ZNF777: variants seen among roughly 807,000 people sequenced by gnomAD.
ZNF777 encodes zinc finger protein 777.
Under a neutral mutation model 72.1 loss-of-function variants are expected in ZNF777, and 7 were observed. The observed-to-expected ratio is 0.10, with a 90% CI of 0.06 to 0.18. The LOEUF (loss-of-function observed/expected upper bound fraction) is 0.18, where lower values mean the gene tolerates loss of function less well. Among genes scored for constraint, ZNF777 ranks in the 10% least tolerant of loss-of-function variants. ZNF777 has a pLI of 1.00. For synonymous variants in ZNF777, 545 were observed against 483.5 expected (o/e 1.13, Z -1.67); for missense variants, 828 against 1,128.6 (o/e 0.73, Z 3.82).
chr7:149,454,337 C>A, intron 2 of ZNF777, 100 bp from the exon 3 acceptor site: 1 of 1,496,776 alleles, frequency 6.7e-7, no homozygotes, highest in East Asian at 2.3e-5. Flanking sequence ...TGGGCCTTCA[C>A]CTAGGACTTT....
At chr7:149,446,965 C>T (rs1012689348) in intron 4 of ZNF777, among the ~76,000 whole-genome samples, 1 of 152,186 alleles carries the variant, frequency 6.6e-6, no homozygotes, top group Admixed American at 6.5e-5. Flanking sequence ...ATACTCTCTC[C>T]TTCTGGAAGC....
intron 2 of ZNF777, among the ~76,000 whole-genome samples, 181 bp from the exon 3 acceptor site, chr7:149,454,418 T>G (rs1448079168): frequency 6.6e-6 from 1 of 152,190 alleles, no homozygotes; most frequent in Non-Finnish European, 1.5e-5. Context: ...TTTCCTCCCC[T>G]TCAGGATATA....
chr7:149,455,872 G>A lies in ZNF777; in HGVS notation c.151C>T (p.Pro51Ser). Reference sequence around the variant, plus strand: ...GTTTGGGGCAGGGAGCCTTGACGGGGAATGGTGGGAGACAAAGAAGGAATT... The same window carrying A: ...GTTTGGGGCAGGGAGCCTTGACGGGAAATGGTGGGAGACAAAGAAGGAATT... ...KEIPSLSPTI[P>S]RQGSLPQTSS... Residue 51 changes from proline to serine, a missense_variant, in exon 2 of 6, where the codon CCC (proline) becomes TCC (serine). By Grantham distance (74) the Pro-to-Ser change is moderately conservative. Around this residue, in one of 12 missense-constraint regions of ZNF777, gnomAD observed 222 missense variants for 211.2 expected, o/e 1.05. Coordinates refer to ENST00000247930, the MANE Select transcript of ZNF777 (RefSeq NM_015694.3). This position sits in a 1 kb window ranked among gnomAD's most constrained non-coding sequence, Gnocchi z 4.2. 6.2e-7 allele frequency: 1 copy of A among 1,614,010 alleles called. No individual in the cohort carries two copies.
intron 4 of ZNF777, among the ~76,000 whole-genome samples, chr7:149,445,671 C>A (rs1799588831): frequency 6.6e-6 from 1 of 152,176 alleles, no homozygotes; most frequent in Non-Finnish European, 1.5e-5. Context: ...TTCCCGTTTT[C>A]AATATGGTGC....
chr7:149,452,650 G>GTAAA lies in ZNF777; in HGVS notation c.973+1457_973+1460dup, dbSNP rs1179606306. On this transcript the variant is annotated intron_variant, in intron 3 of 5. Coordinates refer to ENST00000247930, the MANE Select transcript of ZNF777 (RefSeq NM_015694.3). ...TCTGTCTCAAAAAAAAAAAAAAAAAGTAAATAAATAAATAAATAAGGTATC... is the reference window on the plus strand; with the variant it reads ...TCTGTCTCAAAAAAAAAAAAAAAAAGTAAATAAATAAATAAATAAATAAGGTATC... Among the ~76,000 whole-genome samples, 13 of 145,056 alleles carry GTAAA rather than the reference G, an allele frequency of 9.0e-5. No individual in the cohort carries two copies. In the South Asian group the frequency reaches 1.5e-3, roughly 17 times the overall value.
At chr7:149,434,281 C>T (rs1194205402) in intron 5 of ZNF777, among the ~76,000 whole-genome samples, 1 of 152,156 alleles carries the variant, frequency 6.6e-6, no homozygotes, top group African/African-American at 2.4e-5. Context: ...CTAGTGACTC[C>T]CTGTCCTTAG....
intron 1 of ZNF777, chr7:149,459,595 C>G: frequency 1.0e-6 from 1 of 976,962 alleles, no homozygotes; most frequent in Non-Finnish European, 1.2e-6. Context: ...CCCTCCCCGT[C>G]CAGGCCCGCA....
rs776385366 is a variant in ZNF777 at position 149,455,493 on chromosome 7, G to A, written c.530C>T (p.Pro177Leu). The A allele has an allele frequency of 1.4e-5, 22 of 1,613,938 alleles. No individual in the cohort carries two copies. Among genetic ancestry groups the A allele is most frequent in the East Asian group, 4.5e-5 (2 of 44,890 alleles). The change falls in exon 2 of 6, where the codon CCG (proline) becomes CTG (leucine). Residue 177 changes from proline to leucine, a missense_variant. By Grantham distance (98) the Pro-to-Leu change is moderately conservative (BLOSUM62 -3). Around this residue, in one of 12 missense-constraint regions of ZNF777, gnomAD observed 76 missense variants for 157.3 expected, o/e 0.48. Coordinates refer to ENST00000247930, the MANE Select transcript of ZNF777 (RefSeq NM_015694.3). This position sits in a 1 kb window ranked among gnomAD's most constrained non-coding sequence, Gnocchi z 4.2. ...GCGGGTGATCTCTGCCGTGGGGAGC[G>A]GCTGTTCCTTCTGGACTGCAGAAGA... ...QISSAVQKEQ[P>L]LPTAEITRLA...
chr7:149,460,004 A>T lies in ZNF777; in HGVS notation c.-16+811T>A, dbSNP rs1473592766. ...CCAGGGCGCCCCCACCCCCCGCGCC[A>T]ACGTCGTAGCGTTTCTGCCCCTTAC... is the stretch of plus-strand genomic sequence containing the variant. On this transcript the variant is annotated intron_variant, in intron 1 of 5. Transcript: ENST00000247930. This position sits in a 1 kb window ranked among gnomAD's most constrained non-coding sequence, Gnocchi z 6.1. 5.4e-5 allele frequency: 51 copies of T among 938,424 alleles called. No homozygotes were observed. Among genetic ancestry groups the T allele is most frequent in the Non-Finnish European group, 6.2e-5 (49 of 794,044 alleles). 58.1% of individuals were successfully genotyped at this position (938,424 alleles called of 1,614,324 possible). A position where few individuals can be genotyped will look rare whatever the true frequency, so the allele number is the denominator to read the frequency against.
At position 149,436,762 on chromosome 7, in the gene ZNF777, C is replaced by A. The variant is rs779477696; in HGVS notation, c.1152G>T (p.Glu384Asp). ...QTNDEGSESL[E>D]TPEPLMGQVE... ...CCTGTCCCATCAGGGGCTCAGGTGTCTCCAAACTTTCTGAGCCCTCGTCGT... is the reference window on the plus strand; with the variant it reads ...CCTGTCCCATCAGGGGCTCAGGTGTATCCAAACTTTCTGAGCCCTCGTCGT... The change falls in exon 5 of 6, where the codon GAG (glutamate) becomes GAT (aspartate). Residue 384 changes from glutamate to aspartate, a missense_variant. Transcript: ENST00000247930. This position sits in a 1 kb window ranked among gnomAD's most constrained non-coding sequence, Gnocchi z 5.0. 9 of 1,614,128 alleles carry A rather than the reference C, an allele frequency of 5.6e-6. No homozygotes were observed. Among genetic ancestry groups the A allele is most frequent in the Non-Finnish European group, 7.6e-6 (9 of 1,180,024 alleles).
intron 4 of ZNF777, among the ~76,000 whole-genome samples, chr7:149,445,410 G>T (rs891451659): frequency 6.6e-6 from 1 of 152,124 alleles, no homozygotes; most frequent in Non-Finnish European, 1.5e-5. Context: ...CTTAAAAGGG[G>T]ACACTCAAGA....
intron 3 of ZNF777, among the ~76,000 whole-genome samples, 192 bp from the exon 4 acceptor site, chr7:149,451,304 G>T (rs1479012126): frequency 1.3e-5 from 2 of 151,002 alleles, no homozygotes; most frequent in African/African-American, 2.5e-5. Context: ...TGTGTGTGGC[G>T]GGGGGTAGAG....
chr7:149,439,580 T>C (rs2116577368), intron 4 of ZNF777, among the ~76,000 whole-genome samples: 1 of 152,344 alleles, frequency 6.6e-6, no homozygotes, highest in Non-Finnish European at 1.5e-5. Flanking sequence ...GGAATTTTTA[T>C]ATCATTCCTT....
intron 4 of ZNF777, among the ~76,000 whole-genome samples, chr7:149,437,799 C>CTTTTTTTTTTTTTTTTTT (rs796721387): frequency 3.5e-4 from 40 of 115,616 alleles, no homozygotes; most frequent in East Asian, 7.8e-4. Context: ...ATGTTTGTTT[C>CTTTTTTTTTTTTTTTTTT]TTTTTCTTTT....
chr7:149,437,047 A>G (rs1237944371), intron 4 of ZNF777, among the ~76,000 whole-genome samples: 1 of 152,140 alleles, frequency 6.6e-6, no homozygotes, highest in Admixed American at 6.5e-5. Flanking sequence ...AAATAGATGC[A>G]AAGTTTGTTT....
At chr7:149,456,849 G>T (rs539155701) in intron 1 of ZNF777, among the ~76,000 whole-genome samples, 11 of 152,340 alleles carry the variant, frequency 7.2e-5, no homozygotes, top group Admixed American at 5.2e-4. Flanking sequence ...CCCGGCCCCT[G>T]CTGTAGAGGC....
At chr7:149,448,955 T>C (rs563798171) in intron 4 of ZNF777, among the ~76,000 whole-genome samples, 32 of 152,348 alleles carry the variant, frequency 2.1e-4, no homozygotes, top group African/African-American at 6.7e-4. Flanking sequence ...TTGTCATGTT[T>C]GGTATATTTG....
rs571183325 is a variant in ZNF777, at chr7:149,455,581, C to T, written c.442G>A (p.Glu148Lys). ...DPLTLSPTVP[E>K]TDMDPLLQSP... ...TGGAGCAGCGGGTCCATGTCAGTCT[C>T]GGGAACTGTTGGGGAAAGGGTCAGG... is the stretch of plus-strand genomic sequence containing the variant. Residue 148 changes from glutamate (E) to lysine (K), a missense_variant, in exon 2 of 6, where the codon GAG becomes AAG. This residue lies in a region of ZNF777 where 222 missense variants were observed against 211.2 expected (regional missense o/e 1.05). Transcript: ENST00000247930. This position sits in a 1 kb window ranked among gnomAD's most constrained non-coding sequence, Gnocchi z 4.2. The T allele has an allele frequency of 4.4e-6, 7 of 1,605,888 alleles. No homozygotes were observed. The highest frequency in any genetic ancestry group is 1.7e-5 in the Admixed American group (1 of 58,590).
intron 4 of ZNF777, among the ~76,000 whole-genome samples, chr7:149,442,624 A>C (rs1799542215): frequency 6.6e-6 from 1 of 152,262 alleles, no homozygotes; most frequent in South Asian, 2.1e-4. Flanking sequence ...TGTCTAAAAA[A>C]AAAAAAAAAG....
Sources: gnomAD v4.1 joint callset for allele counts (sites outside exome capture counted in the v4.1 genomes callset) on GRCh38, gnomAD v4.1.1 for gene constraint, gnomAD v4.1.1 regional missense constraint, Gnocchi (gnomAD v3.1) non-coding constraint, MANE v1.5 for transcripts, NCBI Gene and HGNC (gene_info 2026-07-23, HGNC 2026-07-21) for gene names.